The following CYBRD1 variants were observed in gnomAD, a reference collection of about 807,000 sequenced individuals.
The protein encoded by CYBRD1 is plasma membrane ascorbate-dependent reductase CYBRD1.
CYBRD1 carries 14 observed loss-of-function variants against 21.9 expected under a neutral mutation model. The observed-to-expected ratio is 0.64, with a 90% CI of 0.42 to 1.00. The LOEUF is 1.00. CYBRD1 is among the 50% of genes least tolerant of loss of function. The pLI is 0.00. For synonymous variants in CYBRD1, 146 were observed against 136.5 expected, an observed-to-expected ratio of 1.07 and a Z score of -0.48; for missense variants, 328 against 352.5, an observed-to-expected ratio of 0.93 and a Z score of 0.56.
chr2:171,557,536 T>C lies in CYBRD1; in HGVS notation c.*2709T>C, dbSNP rs1015747319. 2 of 152,268 alleles carry C rather than the reference T, an allele frequency of 1.3e-5. No individual in the cohort carries two copies. Among genetic ancestry groups the C allele is most frequent in the African/African-American group, 2.4e-5 (1 of 41,476 alleles). 9.4% of individuals were successfully genotyped at this position (152,268 alleles called of 1,614,324 possible). On this transcript the variant is annotated 3_prime_UTR_variant, in exon 4 of 4. Transcript: ENST00000321348. ...GTCATCAAAAGTGTACGGCTTCCTG[T>C]GCTGCTTGTGTCAAATGGAACCTGC...
intron 2 of CYBRD1, 58 bp downstream of exon 2, chr2:171,541,851 GTTTTCTTTTCT>G: frequency 1.0e-6 from 1 of 973,106 alleles, no homozygotes; most frequent in Non-Finnish European, 1.5e-6. Flanking sequence ...GACTGTAAAT[GTTTTCTTTTCT>G]TTTTTTTTTT....
intron 1 of CYBRD1, among the ~76,000 whole-genome samples, chr2:171,540,035 A>G (rs1697606566): frequency 6.6e-6 from 1 of 152,164 alleles, no homozygotes; most frequent in Non-Finnish European, 1.5e-5. Context: ...CAGGCCATAA[A>G]AAACTTAATT....
Position 171,541,568 on chromosome 2 carries a change from C to A in CYBRD1, c.194-17C>A, listed in dbSNP as rs1406307124. 6.2e-7 allele frequency: 1 copy of A among 1,611,410 alleles called. No individual in the cohort carries two copies. The highest frequency in any genetic ancestry group is 1.7e-5 in the Admixed American group (1 of 60,012). On this transcript the variant is annotated splice_polypyrimidine_tract_variant and intron_variant, in intron 1 of 3. Transcript: ENST00000321348. ...AACAAAACAAAACACATTCTGTGTC[C>A]TTTCGTCTTTCCCTAGCCATCATCG... is the stretch of plus-strand genomic sequence containing the variant.
chr2:171,523,391 G>C (rs1308314850), intron 1 of CYBRD1: 8 of 246,176 alleles, frequency 3.2e-5, no homozygotes, highest in South Asian at 2.0e-4. Flanking sequence ...ACTCAGTCGA[G>C]TCCGGGAAGC....
intron 2 of CYBRD1, among the ~76,000 whole-genome samples, chr2:171,551,458 C>G (rs569559762): frequency 1.8e-4 from 28 of 152,154 alleles, no homozygotes; most frequent in Non-Finnish European, 2.9e-4. Context: ...TTTGTTATTA[C>G]TTTTTAAATA....
intron 2 of CYBRD1, among the ~76,000 whole-genome samples, chr2:171,544,710 A>G (rs920583990): frequency 2.0e-5 from 3 of 152,180 alleles, no homozygotes; most frequent in South Asian, 2.1e-4. Flanking sequence ...TTATGTACAA[A>G]GCCAATTGCA....
intron 2 of CYBRD1, among the ~76,000 whole-genome samples, chr2:171,548,144 C>G (rs1697745408): frequency 6.6e-6 from 1 of 151,432 alleles, no homozygotes; most frequent in Non-Finnish European, 1.5e-5. Context: ...TTTTTTAACC[C>G]CTGGAAGAAA....
At chr2:171,523,729 C>CGT (rs1553560487) in intron 1 of CYBRD1, among the ~76,000 whole-genome samples, 5 of 88,986 alleles carry the variant, frequency 5.6e-5, no homozygotes, top group Non-Finnish European at 8.4e-5. Context: ...TTGTGTAGTG[C>CGT]CTCTCAATGT....
intron 1 of CYBRD1, among the ~76,000 whole-genome samples, chr2:171,526,740 CT>C (rs777035650): frequency 5.3e-5 from 8 of 152,106 alleles, no homozygotes; most frequent in Non-Finnish European, 1.2e-4. Flanking sequence ...GGCTGTTGAC[CT>C]TTTAAAAGGT....
chr2:171,542,383 C>T (rs1051763500), intron 2 of CYBRD1, among the ~76,000 whole-genome samples: 6 of 152,074 alleles, frequency 3.9e-5, no homozygotes, highest in Admixed American at 3.3e-4. Flanking sequence ...GGCATGCTGG[C>T]TCATGCCTAT....
At chr2:171,530,433 A>G (rs1697448006) in intron 1 of CYBRD1, among the ~76,000 whole-genome samples, 1 of 152,222 alleles carries the variant, frequency 6.6e-6, no homozygotes, top group Non-Finnish European at 1.5e-5. Flanking sequence ...TATTATAACC[A>G]GCGTTGCCTA....
chr2:171,522,765 G>T lies in CYBRD1; in HGVS notation c.193+27G>T. The T allele has an allele frequency of 6.2e-7, 1 of 1,612,622 alleles. No homozygotes were observed. The highest frequency in any genetic ancestry group is 1.1e-5 in the South Asian group (1 of 90,612). ...TACTGGCACCTCCTGGGGGGGTGCG[G>T]GGAGGAAAGCGGGGAGAACGGCGGG... On this transcript the variant is annotated intron_variant, in intron 1 of 3. Transcript: ENST00000321348. The surrounding 1 kb of genome is among the most constrained non-coding windows in gnomAD (Gnocchi z 4.3).
Position 171,522,763 on chromosome 2 carries a change from CG to C in CYBRD1, c.193+29del. 6.2e-7 allele frequency: 1 copy of C among 1,612,640 alleles called. No homozygotes were observed. The highest frequency in any genetic ancestry group is 8.5e-7 in the Non-Finnish European group (1 of 1,179,616). On this transcript the variant is annotated intron_variant, in intron 1 of 3. Transcript: ENST00000321348. The surrounding 1 kb of genome is among the most constrained non-coding windows in gnomAD (Gnocchi z 4.3). ...GGTACTGGCACCTCCTGGGGGGGTGCGGGGAGGAAAGCGGGGAGAACGGCGG... is the reference window on the plus strand; with the variant it reads ...GGTACTGGCACCTCCTGGGGGGGTGCGGGAGGAAAGCGGGGAGAACGGCGG...
At chr2:171,526,999 G>A (rs1427155565) in intron 1 of CYBRD1, among the ~76,000 whole-genome samples, 1 of 151,958 alleles carries the variant, frequency 6.6e-6, no homozygotes, top group Non-Finnish European at 1.5e-5. Context: ...AAAACAGTTG[G>A]GATATCCTAT....
rs1012029714 is a variant in CYBRD1 at position 171,541,502 on chromosome 2, G to A, written c.194-83G>A. 37 of 1,336,122 alleles carry A rather than the reference G, an allele frequency of 2.8e-5. No individual in the cohort carries two copies. The African/African-American group carries it at 4.9e-4, about 18-fold the overall frequency. 82.8% of individuals were successfully genotyped at this position (1,336,122 alleles called of 1,614,324 possible). On this transcript the variant is annotated intron_variant, in intron 1 of 3. Coordinates refer to ENST00000321348, the MANE Select transcript of CYBRD1 (RefSeq NM_024843.4). ...AAGGGAAAAAGGTTTCAAAAAGGGA[G>A]TGTCCAGTGTGTCAAACTGTTCATT... is the stretch of plus-strand genomic sequence containing the variant.
intron 1 of CYBRD1, among the ~76,000 whole-genome samples, chr2:171,535,013 C>G (rs190285268): frequency 6.6e-6 from 1 of 152,096 alleles, no homozygotes. Flanking sequence ...TACACTCCAG[C>G]CTGGGTGACA....
chr2:171,553,309 A>C (rs1444991894), intron 2 of CYBRD1, 37 bp from the exon 3 acceptor site: 1 of 1,610,200 alleles, frequency 6.2e-7, no homozygotes, highest in South Asian at 1.1e-5. Context: ...TTAGAACTTA[A>C]AATTAAATGA....
At chr2:171,543,094 G>C (rs1697660428) in intron 2 of CYBRD1, among the ~76,000 whole-genome samples, 1 of 152,002 alleles carries the variant, frequency 6.6e-6, no homozygotes, top group Admixed American at 6.6e-5. Context: ...TTCTATTGTG[G>C]TAACCAATTA....
intron 1 of CYBRD1, among the ~76,000 whole-genome samples, chr2:171,529,966 G>C (rs1390605220): frequency 6.6e-6 from 1 of 152,138 alleles, no homozygotes; most frequent in Non-Finnish European, 1.5e-5. Flanking sequence ...CTCAAGATGA[G>C]GTCACCCTGG....
Sources: gnomAD v4.1 joint callset for allele counts (sites outside exome capture counted in the v4.1 genomes callset) on GRCh38, gnomAD v4.1.1 for gene constraint, Gnocchi (gnomAD v3.1) non-coding constraint, MANE v1.5 for transcripts, NCBI Gene and HGNC (gene_info 2026-07-23, HGNC 2026-07-21) for gene names.